Variants in ZNF692 observed in about 807,000 individuals in gnomAD.
ZNF692 encodes the protein zinc finger protein 692, also known as AICAR responsive element binding protein.
ZNF692 carries 41 observed loss-of-function variants against 49.0 expected under a neutral mutation model. The observed-to-expected ratio is 0.84, with a 90% CI of 0.65 to 1.08. The LOEUF (loss-of-function observed/expected upper bound fraction) is 1.08. ZNF692 is among the 50% of genes least tolerant of loss of function. ZNF692 has a pLI of 0.00. For missense variants in ZNF692, 662 were observed against 662.2 expected (o/e 1.00, Z 0.00); for synonymous variants, 288 against 251.5 (o/e 1.15, Z -1.37).
At position 248,858,066 on chromosome 1, in the gene ZNF692, C is replaced by A; in HGVS notation, c.179+65G>T. 3 of 1,553,350 alleles carry A rather than the reference C, an allele frequency of 1.9e-6. No individual in the cohort carries two copies. The highest frequency in any genetic ancestry group is 2.6e-6 in the Non-Finnish European group (3 of 1,154,528). On this transcript the variant is annotated intron_variant, in intron 2 of 11. Transcript: ENST00000306601. The surrounding 1 kb of genome is among the most constrained non-coding windows in gnomAD (Gnocchi z 4.3). ...GTGGAAAAGAGCAGCAGGACAGGCC[C>A]TGGAGAGGAGGCTAGGGGCTGCTGC...
chr1:248,855,241 A>C (rs921542651), intron 9 of ZNF692, 139 bp downstream of exon 9: 28 of 775,538 alleles, frequency 3.6e-5, no homozygotes, highest in Non-Finnish European at 5.1e-5. Context: ...TGTGAGGACC[A>C]AAAGACTTTA....
At chr1:248,850,626 A>G in intron 11 of ZNF692, 56 bp downstream of exon 11, 1 of 1,608,522 alleles carries the variant, frequency 6.2e-7, no homozygotes, top group Non-Finnish European at 8.5e-7. Context: ...CCTAGCTTCC[A>G]GACTCCACCT....
In ZNF692 at chr1:248,856,530, CTT is replaced by C. The variant is rs781129612; in HGVS notation, c.506_507del (p.Gln169ArgfsTer24). The C allele has an allele frequency of 3.7e-6, 6 of 1,614,056 alleles. No individual in the cohort carries two copies. In the African/African-American group the frequency reaches 4.0e-5, roughly 11 times the overall value. On this transcript the variant is annotated frameshift_variant, in exon 5 of 12. Transcript: ENST00000306601. LOFTEE classifies it high-confidence loss of function. ...DLESEHDERTQEARLPRRVGP... is the reference protein window; with the variant it reads ...DLESEHDERTXEARLPRRVGP... Reference sequence around the variant, plus strand: ...CATCCTCACCTGGGCAACCTGGCCTCTTGAGTCCTCTCATCATGCTCAGATTC... The same window carrying C: ...CATCCTCACCTGGGCAACCTGGCCTCGAGTCCTCTCATCATGCTCAGATTC...
chr1:248,856,345 T>C lies in ZNF692; in HGVS notation c.602A>G (p.Asp201Gly). Residue 201 changes from aspartate (D) to glycine (G), a missense_variant, in exon 6 of 12, where the codon GAT becomes GGT. Physicochemically the swap from Asp to Gly is moderately conservative, Grantham distance 94. Coordinates refer to ENST00000306601, the MANE Select transcript of ZNF692 (RefSeq NM_017865.4). ...EGEEEEDNDE[D>G]EEEMLSDASL... is the part of the protein sequence containing the mutation. ...GGCATCACTGAGCATCTCCTCTTCA[T>C]CCTCATCATTGTCCTCTTCTTCCTC... The C allele has an allele frequency of 6.2e-7, 1 of 1,611,674 alleles. No individual in the cohort carries two copies. Among genetic ancestry groups the C allele is most frequent in the Non-Finnish European group, 8.5e-7 (1 of 1,178,624 alleles).
At chr1:248,852,130 C>T (rs1256237013) in intron 10 of ZNF692, among the ~76,000 whole-genome samples, 1 of 152,336 alleles carries the variant, frequency 6.6e-6, no homozygotes, top group East Asian at 1.9e-4. Flanking sequence ...TCTAAAACCA[C>T]AAGTCTTAAG....
rs1276290265 is a variant in ZNF692, at chr1:248,855,820, T to G, written c.786A>C (p.Ser262=). ...CAGGTGGAGGAGCTCTGGAACTCAA[T>G]GAGGATGCTGACAAGGCCGGCACAG... The part of the protein sequence containing the change: ...PLAVPALSAS[S]LSSRAPPPAE... Residue 262 remains serine (S), a synonymous_variant, in exon 7 of 12, where the codon TCA becomes TCC. Transcript: ENST00000306601. 2.5e-6 allele frequency: 4 copies of G among 1,613,992 alleles called. No individual in the cohort carries two copies. Among genetic ancestry groups the G allele is most frequent in the Non-Finnish European group, 1.7e-6 (2 of 1,180,024 alleles).
intron 10 of ZNF692, among the ~76,000 whole-genome samples, chr1:248,851,742 C>T (rs1218004249): frequency 6.6e-6 from 1 of 152,166 alleles, no homozygotes; most frequent in Non-Finnish European, 1.5e-5. Context: ...CACACCCATG[C>T]ACTGCACCAC....
In ZNF692 at chr1:248,855,433, G is replaced by A; in HGVS notation, c.985C>T (p.Pro329Ser). 1 of 1,614,118 alleles carries A rather than the reference G, an allele frequency of 6.2e-7. No individual in the cohort carries two copies. Among genetic ancestry groups the A allele is most frequent in the Non-Finnish European group, 8.5e-7 (1 of 1,180,030 alleles). ...CTTCCACAGCCAGGGAAGTCACAAG[G>A]CATCAGCTCTCTTTTGGCAGCTTTC... ...IRKAAKRELM[P>S]CDFPGCGRIF... Residue 329 changes from proline (P) to serine (S), a missense_variant, in exon 9 of 12, where the codon CCT becomes TCT. Physicochemically the swap from Pro to Ser is moderately conservative, Grantham distance 74. Coordinates refer to ENST00000306601, the MANE Select transcript of ZNF692 (RefSeq NM_017865.4).
Position 248,853,909 on chromosome 1 carries a change from C to G in ZNF692, c.1153+28G>C, listed in dbSNP as rs200804337. On this transcript the variant is annotated intron_variant, in intron 10 of 11. Coordinates refer to ENST00000306601, the MANE Select transcript of ZNF692 (RefSeq NM_017865.4). The stretch of plus-strand genomic sequence containing the variant: ...CCACAAAGGAAGGTAAAAGGTCCCA[C>G]AGAGGAAGGTGGAGTTCCACCACTC... 8.9e-6 allele frequency: 14 copies of G among 1,578,878 alleles called. No homozygotes were observed. The East Asian group carries it at 2.9e-4, about 33-fold the overall frequency.
chr1:248,851,977 A>G lies in ZNF692; in HGVS notation c.1154-1196T>C, dbSNP rs1659653358. ...ATCTTTGTTGCCTTCTTTCATTCAC[A>G]CTACCAATCTTCCTGTCCCTCTCTC... On this transcript the variant is annotated intron_variant, in intron 10 of 11. Transcript: ENST00000306601. Among the ~76,000 whole-genome samples, 3 of 152,062 alleles carry G rather than the reference A, an allele frequency of 2.0e-5. No homozygotes were observed. The South Asian group carries it at 6.2e-4, about 32-fold the overall frequency.
Position 248,856,528 on chromosome 1 carries a change from C to G in ZNF692, c.510G>C (p.Glu170Asp), listed in dbSNP as rs1660256290. The change falls in exon 5 of 12, where the codon GAG (glutamate) becomes GAC (aspartate). Residue 170 changes from glutamate (E) to aspartate (D), a missense_variant. By Grantham distance (45) the Glu-to-Asp change is conservative. Coordinates refer to ENST00000306601, the MANE Select transcript of ZNF692 (RefSeq NM_017865.4). Reference protein sequence around the residue: ...LESEHDERTQEARLPRRVGPP... With the variant: ...LESEHDERTQDARLPRRVGPP... ...CACATCCTCACCTGGGCAACCTGGC[C>G]TCTTGAGTCCTCTCATCATGCTCAG... is the stretch of plus-strand genomic sequence containing the variant. 6.2e-7 allele frequency: 1 copy of G among 1,614,032 alleles called. No individual in the cohort carries two copies. Among genetic ancestry groups the G allele is most frequent in the Admixed American group, 1.7e-5 (1 of 60,004 alleles).
At chr1:248,851,512 A>T (rs142148660) in intron 10 of ZNF692, among the ~76,000 whole-genome samples, 67 of 151,968 alleles carry the variant, frequency 4.4e-4, no homozygotes, top group African/African-American at 1.5e-3. Context: ...GACCACCTCT[A>T]ACATCCCCAC....
intron 10 of ZNF692, among the ~76,000 whole-genome samples, chr1:248,853,184 C>A (rs1309924049): frequency 1.3e-5 from 2 of 152,316 alleles, no homozygotes; most frequent in East Asian, 3.9e-4. Flanking sequence ...TGGCCTCCAT[C>A]CATTCCTCAC....
Position 248,850,408 on chromosome 1 carries a change from G to A in ZNF692, c.1362C>T (p.Gly454=), listed in dbSNP as rs112602820. ...CACTGTCTGGCTTCTCAAAGCGCTT[G>A]CCGCAGAATTCACAGGGGAAGCGCA... ...AALRFPCEFC[G]KRFEKPDSVA... is the part of the protein sequence containing the mutation. Residue 454 remains glycine, a synonymous_variant, in exon 12 of 12, where the codon GGC becomes GGT. Transcript: ENST00000306601. 2 of 1,614,042 alleles carry A rather than the reference G, an allele frequency of 1.2e-6. No homozygotes were observed. The highest frequency in any genetic ancestry group is 2.7e-5 in the African/African-American group (2 of 74,948).
In ZNF692 at chr1:248,855,891, C is replaced by T. The variant is rs763152595; in HGVS notation, c.715G>A (p.Glu239Lys). The T allele has an allele frequency of 1.9e-6, 3 of 1,614,138 alleles. No homozygotes were observed. Among genetic ancestry groups the T allele is most frequent in the South Asian group, 1.1e-5 (1 of 91,078 alleles). The change falls in exon 7 of 12, where the codon GAG (glutamate) becomes AAG (lysine). Residue 239 changes from glutamate to lysine, a missense_variant. Physicochemically the swap from Glu to Lys is moderately conservative, Grantham distance 56 (BLOSUM62 1). Transcript: ENST00000306601. The stretch of plus-strand genomic sequence containing the variant: ...GCAGGGGCTGGTGGTGTCTCCCCCT[C>T]TTTAGGTGTGCAGGTGACAGGGGAA... ...LPSPVTCTPK[E>K]GETPPAPAAL...
At chr1:248,854,660 G>A (rs1660022007) in intron 9 of ZNF692, 1 of 148,992 alleles carries the variant, frequency 6.7e-6, no homozygotes, top group Non-Finnish European at 1.5e-5. Flanking sequence ...GACCTAAGTT[G>A]GCATCCTGGC....
At chr1:248,854,788 G>A (rs1049694296) in intron 9 of ZNF692, among the ~76,000 whole-genome samples, 4 of 152,088 alleles carry the variant, frequency 2.6e-5, no homozygotes, top group African/African-American at 9.7e-5. Context: ...ATGCCCTGCC[G>A]AATGCTCTTC....
At chr1:248,854,927 C>T (rs151141236) in intron 9 of ZNF692, among the ~76,000 whole-genome samples, 1,554 of 152,326 alleles carry the variant, frequency 0.01, 16 homozygotes, top group South Asian at 0.017. Context: ...GTCTGTGGCC[C>T]TCCCCAGCCT....
intron 3 of ZNF692, 125 bp downstream of exon 3, chr1:248,857,703 G>A (rs1403860525): frequency 1.3e-6 from 2 of 1,498,494 alleles, no homozygotes; most frequent in East Asian, 4.8e-5. Context: ...AAACTACCCT[G>A]TGCTCCCCAA....
Sources: gnomAD v4.1 joint callset for allele counts (sites outside exome capture counted in the v4.1 genomes callset) on GRCh38, gnomAD v4.1.1 for gene constraint, Gnocchi (gnomAD v3.1) non-coding constraint, MANE v1.5 for transcripts, NCBI Gene and HGNC (gene_info 2026-07-23, HGNC 2026-07-21) for gene names.